SLC12A9: variants seen among roughly 807,000 people sequenced by gnomAD.
SLC12A9 encodes CCC-interacting protein 1.
Under a neutral mutation model 66.0 loss-of-function variants are expected in SLC12A9, and 55 were observed. The ratio of observed to expected loss-of-function variants is 0.83; its 90% confidence interval spans 0.67 to 1.04. The LOEUF is 1.04. Ranked by LOEUF, SLC12A9 falls within the 50% of genes least tolerant of loss-of-function variation. The probability of loss-of-function intolerance (pLI) is 0.00; values close to 1 mark genes in which losing one functional copy is unlikely to be tolerated. For missense variants in SLC12A9, 1,061 were observed against 1,241.9 expected, an observed-to-expected ratio of 0.85 and a Z score of 2.19; for synonymous variants, 577 against 569.0, an observed-to-expected ratio of 1.01 and a Z score of -0.20.
intron 3 of SLC12A9, 70 bp from the exon 4 acceptor site, chr7:100,855,636 G>A (rs1814341145): frequency 6.2e-7 from 1 of 1,605,748 alleles, no homozygotes; most frequent in African/African-American, 1.3e-5. Flanking sequence ...TCAGTGCTTG[G>A]AGCTATGGCA....
chr7:100,864,790 C>T (rs1814977722), intron 13 of SLC12A9, among the ~76,000 whole-genome samples: 1 of 152,170 alleles, frequency 6.6e-6, no homozygotes, highest in South Asian at 2.1e-4. Flanking sequence ...ATATTACCTA[C>T]CTCATAGCAT....
chr7:100,855,980 A>G, intron 4 of SLC12A9, 143 bp downstream of exon 4: 2 of 1,313,698 alleles, frequency 1.5e-6, no homozygotes, highest in East Asian at 2.6e-5. Context: ...TGTGGCCAGC[A>G]TCGTGCAGGA....
At position 100,861,110 on chromosome 7, in the gene SLC12A9, A is replaced by T. The variant is rs901544856; in HGVS notation, c.1219-28A>T. On this transcript the variant is annotated intron_variant, in intron 9 of 13. Transcript: ENST00000354161. The surrounding 1 kb of genome is among the most constrained non-coding windows in gnomAD (Gnocchi z 5.3). ...TGGGGGTGCACTGGCACTTTGGAACAACGGCACGCCTCTTGGCCCTTGCCC... is the reference window on the plus strand; with the variant it reads ...TGGGGGTGCACTGGCACTTTGGAACTACGGCACGCCTCTTGGCCCTTGCCC... The T allele has an allele frequency of 1.2e-6, 2 of 1,614,092 alleles. No homozygotes were observed. The highest frequency in any genetic ancestry group is 1.7e-6 in the Non-Finnish European group (2 of 1,179,986).
At position 100,837,840 on chromosome 7, in the gene SLC12A9, C is replaced by T. The variant is rs972972743; in HGVS notation, n.228+10793C>T. 4.2e-5 allele frequency among the ~76,000 whole-genome samples: 6 copies of T among 142,136 alleles called. No homozygotes were observed. The East Asian group carries it at 1.2e-3, about 29-fold the overall frequency. 93.2% of individuals were successfully genotyped at this position (142,136 alleles called of 152,430 possible). On this transcript the variant is annotated intron_variant and non_coding_transcript_variant, in intron 1 of 1. Transcript: ENST00000461016. ...TTATTTCATCTATTTATTTTTAAAA[C>T]ATTTATTTCAATTTTTTTTTTTTTT...
chr7:100,855,107 C>T (rs1242009663), intron 3 of SLC12A9, among the ~76,000 whole-genome samples: 2 of 152,088 alleles, frequency 1.3e-5, no homozygotes, highest in African/African-American at 2.4e-5. Context: ...GAGGTTGCAG[C>T]GTGCCAAGAT....
chr7:100,865,394 C>T, intron 13 of SLC12A9: 2 of 1,536,144 alleles, frequency 1.3e-6, no homozygotes, highest in Non-Finnish European at 1.7e-6. Flanking sequence ...GAAACAGATG[C>T]CCCGCTAGAA....
At chr7:100,856,750 A>C (rs1814409451) in intron 4 of SLC12A9, 118 bp from the exon 5 acceptor site, 1 of 1,035,786 alleles carries the variant, frequency 9.7e-7, no homozygotes, top group Non-Finnish European at 1.4e-6. Context: ...GGACTCAAGC[A>C]ATCCTCCCAC....
At position 100,856,423 on chromosome 7, in the gene SLC12A9, G is replaced by A. The variant is rs7807854; in HGVS notation, c.449-445G>A. Reference sequence around the variant, plus strand: ...GGGTTTCACCATGTTGGCCAGGCTGGTCTTGAACTCCTGACCTCAAGTGAT... The same window carrying A: ...GGGTTTCACCATGTTGGCCAGGCTGATCTTGAACTCCTGACCTCAAGTGAT... On this transcript the variant is annotated intron_variant, in intron 4 of 13. Coordinates refer to ENST00000354161, the MANE Select transcript of SLC12A9 (RefSeq NM_020246.4). 7.1e-3 allele frequency: 1,174 copies of A among 164,438 alleles called. 17 individuals are homozygous for A. Among genetic ancestry groups the A allele is most frequent in the African/African-American group, 0.027 (1,128 of 41,744 alleles). 10.2% of individuals were successfully genotyped at this position (164,438 alleles called of 1,614,324 possible).
intron 1 of SLC12A9, among the ~76,000 whole-genome samples, chr7:100,834,809 G>A (rs1030657031): frequency 6.6e-6 from 1 of 152,138 alleles, no homozygotes; most frequent in African/African-American, 2.4e-5. Flanking sequence ...GGAGGCAGAG[G>A]TTGTAGTGAG....
chr7:100,835,012 C>A (rs1430434629), intron 1 of SLC12A9, among the ~76,000 whole-genome samples: 1 of 152,060 alleles, frequency 6.6e-6, no homozygotes, highest in African/African-American at 2.4e-5. Flanking sequence ...GCAGCCTGGG[C>A]AACAGAGTGA....
At chr7:100,836,966 G>T (rs905323179) in intron 1 of SLC12A9, among the ~76,000 whole-genome samples, 15 of 152,118 alleles carry the variant, frequency 9.9e-5, no homozygotes, top group African/African-American at 3.1e-4. Context: ...GGGCAGACGG[G>T]GCATGTGTGT....
chr7:100,866,299 G>A lies in SLC12A9; in HGVS notation c.2439G>A (p.Glu813=). The change falls in exon 14 of 14, where the codon GAG becomes GAA. Residue 813 remains glutamate, a synonymous_variant. Transcript: ENST00000354161. The surrounding 1 kb of genome is among the most constrained non-coding windows in gnomAD (Gnocchi z 7.3). ...WGEGAGAGEP[E]AEEEGDFVNS... ...AGGGGGCCGGGGCTGGGGAACCCGAGGCGGAGGAGGAAGGGGACTTTGTGA... is the reference window on the plus strand; with the variant it reads ...AGGGGGCCGGGGCTGGGGAACCCGAAGCGGAGGAGGAAGGGGACTTTGTGA... 1 of 1,519,790 alleles carries A rather than the reference G, an allele frequency of 6.6e-7. No homozygotes were observed. The highest frequency in any genetic ancestry group is 2.4e-5 in the East Asian group (1 of 41,160). The allele number at this position is 1,519,790 out of a possible 1,614,324, so 94.1% of individuals were successfully genotyped here.
At chr7:100,833,502 A>G (rs779155907) in intron 1 of SLC12A9, among the ~76,000 whole-genome samples, 7 of 150,748 alleles carry the variant, frequency 4.6e-5, no homozygotes, top group Non-Finnish European at 8.9e-5. Flanking sequence ...AAGCAAAAAA[A>G]CAAAACAAAA....
intron 1 of SLC12A9, among the ~76,000 whole-genome samples, chr7:100,833,849 C>T (rs942539662): frequency 1.7e-4 from 24 of 139,228 alleles, no homozygotes; most frequent in African/African-American, 6.0e-4. Context: ...AGGAGAATGG[C>T]GGGAACCCGG....
chr7:100,827,786 G>A (rs1181564088), intron 1 of SLC12A9, among the ~76,000 whole-genome samples: 1 of 152,166 alleles, frequency 6.6e-6, no homozygotes, highest in Non-Finnish European at 1.5e-5. Context: ...GTCCAGGACC[G>A]AGCATGTCGG....
chr7:100,837,244 C>T (rs569338164), intron 1 of SLC12A9: 1 of 152,368 alleles, frequency 6.6e-6, no homozygotes, highest in South Asian at 2.1e-4. Flanking sequence ...GGCCCAGTCC[C>T]ACAATCCCGT....
At chr7:100,855,895 G>GA in intron 4 of SLC12A9, 58 bp downstream of exon 4, 2 of 1,518,716 alleles carry the variant, frequency 1.3e-6, no homozygotes, top group Non-Finnish European at 1.8e-6. Flanking sequence ...GGGAGTGTGG[G>GA]ATCATGAGGG....
At chr7:100,844,529 C>T (rs1159428297) in intron 1 of SLC12A9, among the ~76,000 whole-genome samples, 1 of 151,866 alleles carries the variant, frequency 6.6e-6, no homozygotes, top group Non-Finnish European at 1.5e-5. Context: ...GGCTATATGG[C>T]AGAAAATAAG....
intron 7 of SLC12A9, chr7:100,859,661 T>C: frequency 1.8e-6 from 1 of 554,018 alleles, no homozygotes; most frequent in African/African-American, 1.9e-5. Context: ...CAGTGAGCTA[T>C]GATTACAGCA....
Sources: allele counts gnomAD v4.1 joint callset (sites outside exome capture counted in the v4.1 genomes callset), GRCh38; gene constraint gnomAD v4.1.1; non-coding constraint Gnocchi (gnomAD v3.1); transcripts MANE v1.5; gene names NCBI Gene and HGNC (gene_info 2026-07-23, HGNC 2026-07-21).